PRKCE: variants seen among roughly 807,000 people sequenced by gnomAD.
PRKCE encodes the protein protein kinase C epsilon type.
Under a neutral mutation model 85.4 loss-of-function variants are expected in PRKCE, and 16 were observed. That is an observed-to-expected ratio of 0.19 (90% CI 0.13 to 0.28). The LOEUF (loss-of-function observed/expected upper bound fraction) is 0.28. PRKCE is among the 10% of genes least tolerant of loss of function. The pLI is 1.00. For synonymous variants in PRKCE, 388 were observed against 371.5 expected (o/e 1.04, Z -0.51); for missense variants, 573 against 975.2 (o/e 0.59, Z 5.49).
At chr2:46,084,497 G>A (rs1350910615) in intron 10 of PRKCE, among the ~76,000 whole-genome samples, 1 of 152,112 alleles carries the variant, frequency 6.6e-6, no homozygotes, top group Non-Finnish European at 1.5e-5. Context: ...GCCAAGGCGG[G>A]TGGATCACGA....
At chr2:46,044,414 A>G (rs1227491151) in intron 10 of PRKCE, among the ~76,000 whole-genome samples, 1 of 152,214 alleles carries the variant, frequency 6.6e-6, no homozygotes, top group East Asian at 1.9e-4. Flanking sequence ...TGCTGAGCTC[A>G]TCTGGTGCTT....
At chr2:46,072,204 T>C (rs541448645) in intron 10 of PRKCE, among the ~76,000 whole-genome samples, 23 of 152,368 alleles carry the variant, frequency 1.5e-4, no homozygotes, top group Admixed American at 1.2e-3. Context: ...ATGGAAATCC[T>C]CTTCAGCGTG....
In PRKCE at chr2:46,138,735, T is replaced by A. The variant is rs1178455751; in HGVS notation, c.1593-6358T>A. Among the ~76,000 whole-genome samples the A allele has an allele frequency of 1.3e-5, 2 of 152,172 alleles. No individual in the cohort carries two copies. The highest frequency in any genetic ancestry group is 4.8e-5 in the African/African-American group (2 of 41,434). On this transcript the variant is annotated intron_variant, in intron 11 of 14. Transcript: ENST00000306156. The surrounding 1 kb of genome is among the most constrained non-coding windows in gnomAD (Gnocchi z 4.2). ...CACAGCTGGAGAGGGGGCATACTAA[T>A]AGCACCTAATGCATCTAATGCATAA...
intron 1 of PRKCE, among the ~76,000 whole-genome samples, chr2:45,820,234 C>T (rs370731570): frequency 1.3e-5 from 2 of 151,964 alleles, no homozygotes; most frequent in African/African-American, 4.8e-5. Flanking sequence ...TCTATGTGCT[C>T]CTGGAACACA....
intron 2 of PRKCE, among the ~76,000 whole-genome samples, chr2:45,880,771 C>T (rs1694820719): frequency 6.6e-6 from 1 of 152,130 alleles, no homozygotes; most frequent in Admixed American, 6.5e-5. Flanking sequence ...TGAATACAGT[C>T]TTATTAAGAA....
At chr2:46,014,096 A>C (rs536996137) in intron 10 of PRKCE, among the ~76,000 whole-genome samples, 11 of 152,284 alleles carry the variant, frequency 7.2e-5, no homozygotes, top group African/African-American at 2.4e-4. Context: ...GCTCCATGGG[A>C]TCTAGAAAGG....
intron 1 of PRKCE, among the ~76,000 whole-genome samples, chr2:45,739,773 GT>G: frequency 6.6e-6 from 1 of 152,068 alleles, no homozygotes; most frequent in African/African-American, 2.4e-5. Flanking sequence ...GGTGGTGGTG[GT>G]TACAAGACTG....
intron 1 of PRKCE, among the ~76,000 whole-genome samples, chr2:45,699,421 G>C (rs558647704): frequency 6.6e-6 from 1 of 152,308 alleles, no homozygotes; most frequent in South Asian, 2.1e-4. Context: ...TCAGAGCTCA[G>C]TAAAGGTTGG....
At chr2:46,077,302 C>G (rs1052269690) in intron 10 of PRKCE, among the ~76,000 whole-genome samples, 33 of 151,966 alleles carry the variant, frequency 2.2e-4, no homozygotes, top group Non-Finnish European at 4.1e-4. Context: ...TGGGTGTATA[C>G]TCATCTCCAA....
chr2:45,699,084 G>A (rs1178210677), intron 1 of PRKCE, among the ~76,000 whole-genome samples: 1 of 151,978 alleles, frequency 6.6e-6, no homozygotes, highest in South Asian at 2.1e-4. Flanking sequence ...AGGCAGGTGG[G>A]GTGGTTTGCT....
At chr2:46,142,079 G>A (rs1314755648) in intron 11 of PRKCE, among the ~76,000 whole-genome samples, 1 of 152,142 alleles carries the variant, frequency 6.6e-6, no homozygotes, top group Non-Finnish European at 1.5e-5. Flanking sequence ...AGGTCCTGGG[G>A]TAGCAGTGCT....
At position 45,881,131 on chromosome 2, in the gene PRKCE, C is replaced by T. The variant is rs372642169; in HGVS notation, c.412+38068C>T. ...TCCCGCCACTGCACTCCAGCCTGGG[C>T]GACAGAGCGAGACTCCGTCTCAAAA... On this transcript the variant is annotated intron_variant, in intron 2 of 14. Coordinates refer to ENST00000306156, the MANE Select transcript of PRKCE (RefSeq NM_005400.3). Among the ~76,000 whole-genome samples the T allele has an allele frequency of 7.8e-3, 1,016 of 131,038 alleles. 20 individuals carry two copies. Among genetic ancestry groups the T allele is most frequent in the African/African-American group, 0.028 (941 of 33,104 alleles). The allele number at this position is 131,038 out of a possible 152,430, so 86.0% of individuals were successfully genotyped here.
intron 2 of PRKCE, among the ~76,000 whole-genome samples, chr2:45,843,977 T>C (rs1691572147): frequency 6.6e-6 from 1 of 152,192 alleles, no homozygotes; most frequent in Non-Finnish European, 1.5e-5. Flanking sequence ...CTCAGCTCTC[T>C]CAGCTCTCCT....
At chr2:46,026,713 C>G (rs1343684609) in intron 10 of PRKCE, among the ~76,000 whole-genome samples, 3 of 152,096 alleles carry the variant, frequency 2.0e-5, no homozygotes, top group Admixed American at 1.3e-4. Flanking sequence ...AATGAGACCC[C>G]TTAAACACAG....
rs538320341 is a variant in PRKCE, at chr2:45,987,150, G to T, written c.823+2470G>T. Among the ~76,000 whole-genome samples the T allele has an allele frequency of 9.2e-5, 14 of 152,234 alleles. No homozygotes were observed. The South Asian group carries it at 2.9e-3, about 32-fold the overall frequency. On this transcript the variant is annotated intron_variant, in intron 6 of 14. Transcript: ENST00000306156. ...CCAGACACCCAGACATCACTGTGAG[G>T]GCTGTGGGTCCCCAATGACCCTGGA... is the stretch of plus-strand genomic sequence containing the variant.
At chr2:46,022,982 C>G (rs1706797249) in intron 10 of PRKCE, among the ~76,000 whole-genome samples, 1 of 147,706 alleles carries the variant, frequency 6.8e-6, no homozygotes, top group South Asian at 2.2e-4. Flanking sequence ...ACTGGGGAGG[C>G]TGAGGCAGGA....
At chr2:45,963,571 A>G (rs967047226) in intron 2 of PRKCE, among the ~76,000 whole-genome samples, 2 of 152,140 alleles carry the variant, frequency 1.3e-5, no homozygotes, top group African/African-American at 4.8e-5. Flanking sequence ...GGCCTTCCGA[A>G]GTACTGAGAT....
intron 1 of PRKCE, among the ~76,000 whole-genome samples, chr2:45,807,987 A>C (rs952938838): frequency 6.6e-6 from 1 of 151,960 alleles, no homozygotes; most frequent in Non-Finnish European, 1.5e-5. Context: ...CACCCCCTGC[A>C]TCTGGACTAT....
chr2:45,908,776 G>T (rs114650135), intron 2 of PRKCE, among the ~76,000 whole-genome samples: 2 of 152,270 alleles, frequency 1.3e-5, no homozygotes, highest in East Asian at 1.9e-4. Flanking sequence ...GGATCTCTCC[G>T]GGAGAATGTT....
Sources: gnomAD v4.1 joint callset for allele counts (sites outside exome capture counted in the v4.1 genomes callset) on GRCh38, gnomAD v4.1.1 for gene constraint, Gnocchi (gnomAD v3.1) non-coding constraint, MANE v1.5 for transcripts, NCBI Gene and HGNC (gene_info 2026-07-23, HGNC 2026-07-21) for gene names.